The following WWOX variants were observed in gnomAD, a reference collection of about 807,000 sequenced individuals.
The protein encoded by WWOX is WW domain-containing oxidoreductase.
In WWOX, 69 loss-of-function variants were observed where a neutral mutation model predicts 46.2. That is an observed-to-expected ratio of 1.49 (90% CI 1.23 to 1.82). The LOEUF (loss-of-function observed/expected upper bound fraction) is 1.82. Ranked by LOEUF, WWOX falls within the 40% of genes most tolerant of loss-of-function variation. The probability of loss-of-function intolerance (pLI) is 0.00; values close to 1 mark genes in which losing one functional copy is unlikely to be tolerated. For missense variants in WWOX, 919 were observed against 542.6 expected, an observed-to-expected ratio of 1.69 and a Z score of -6.89; for synonymous variants, 359 against 202.6, an observed-to-expected ratio of 1.77 and a Z score of -6.56.
chr16:78,198,811 CACAT>C (rs1174169317), intron 5 of WWOX, among the ~76,000 whole-genome samples: 1 of 152,122 alleles, frequency 6.6e-6, no homozygotes, highest in Non-Finnish European at 1.5e-5. Flanking sequence ...TGCATTCACA[CACAT>C]GCATACATAT....
At chr16:79,093,690 T>C (rs61086787) in intron 8 of WWOX, among the ~76,000 whole-genome samples, 1 of 152,090 alleles carries the variant, frequency 6.6e-6, no homozygotes, top group East Asian at 1.9e-4. Flanking sequence ...CAGGCAGTGC[T>C]TCAGCCTTTT....
intron 4 of WWOX, among the ~76,000 whole-genome samples, chr16:78,129,709 CT>C (rs930761409): frequency 8.4e-4 from 120 of 142,936 alleles, no homozygotes; most frequent in East Asian, 2.8e-3. Flanking sequence ...GATTTTTTTT[CT>C]TTTTTTTTTT....
intron 1 of WWOX, among the ~76,000 whole-genome samples, chr16:78,101,383 G>C (rs1410458856): frequency 4.8e-5 from 4 of 82,608 alleles, no homozygotes; most frequent in Non-Finnish European, 1.0e-4. Flanking sequence ...GTCTCGCTCC[G>C]TCGCCCAAAC....
intron 8 of WWOX, among the ~76,000 whole-genome samples, chr16:79,122,345 C>T (rs985112948): frequency 6.6e-6 from 1 of 152,186 alleles, no homozygotes; most frequent in Non-Finnish European, 1.5e-5. Flanking sequence ...CTTACCCTGG[C>T]TATTGGAACA....
chr16:78,581,925 C>T (rs904437156), intron 8 of WWOX, among the ~76,000 whole-genome samples: 1 of 152,068 alleles, frequency 6.6e-6, no homozygotes, highest in Non-Finnish European at 1.5e-5. Context: ...AAGTATCTGA[C>T]CCCCAAATCT....
At chr16:79,143,304 C>A (rs1597414425) in intron 8 of WWOX, among the ~76,000 whole-genome samples, 1 of 152,276 alleles carries the variant, frequency 6.6e-6, no homozygotes, top group South Asian at 2.1e-4. Flanking sequence ...ATTACAAAAA[C>A]TGTTACCGCC....
intron 8 of WWOX, among the ~76,000 whole-genome samples, chr16:78,529,722 C>T (rs12446983): frequency 0.014 from 2,140 of 152,196 alleles, 21 homozygotes; most frequent in African/African-American, 0.027. Flanking sequence ...CCACCTCGGC[C>T]TCCCAAAGTG....
intron 8 of WWOX, among the ~76,000 whole-genome samples, chr16:79,108,154 G>A (rs1406648415): frequency 1.3e-5 from 2 of 152,192 alleles, no homozygotes; most frequent in Non-Finnish European, 2.9e-5. Context: ...TAGGCACTCT[G>A]TTGGTGGCAA....
At chr16:78,362,721 C>A (rs2081437970) in intron 5 of WWOX, among the ~76,000 whole-genome samples, 1 of 152,124 alleles carries the variant, frequency 6.6e-6, no homozygotes, top group South Asian at 2.1e-4. Context: ...AGGAAACAGC[C>A]TCAACCTAAA....
At chr16:78,211,721 G>A (rs2036566557) in intron 5 of WWOX, among the ~76,000 whole-genome samples, 1 of 152,194 alleles carries the variant, frequency 6.6e-6, no homozygotes, top group African/African-American at 2.4e-5. Context: ...AATGAATAAC[G>A]GAGTGGCTTT....
At chr16:79,041,092 T>C (rs79658619) in intron 8 of WWOX, among the ~76,000 whole-genome samples, 8 of 151,932 alleles carry the variant, frequency 5.3e-5, no homozygotes, top group African/African-American at 9.7e-5. Context: ...CTAATACATG[T>C]AATTCATTAC....
intron 8 of WWOX, among the ~76,000 whole-genome samples, chr16:78,700,466 T>C (rs1249316757): frequency 6.6e-6 from 1 of 152,162 alleles, no homozygotes; most frequent in African/African-American, 2.4e-5. Context: ...TGTTCTAGTT[T>C]AACATATGCA....
chr16:78,480,959 A>G (rs1168679363), intron 8 of WWOX, among the ~76,000 whole-genome samples: 4 of 152,238 alleles, frequency 2.6e-5, no homozygotes, highest in Non-Finnish European at 5.9e-5. Flanking sequence ...AGCAAATAGT[A>G]AGAAAAGAGC....
chr16:78,826,211 C>G (rs2051652553), intron 8 of WWOX, among the ~76,000 whole-genome samples: 1 of 152,158 alleles, frequency 6.6e-6, no homozygotes, highest in Admixed American at 6.5e-5. Flanking sequence ...AAAGATTAGC[C>G]TGGCGTGCCC....
At chr16:79,060,023 A>G (rs2048330855) in intron 8 of WWOX, among the ~76,000 whole-genome samples, 1 of 152,184 alleles carries the variant, frequency 6.6e-6, no homozygotes, top group African/African-American at 2.4e-5. Context: ...TACATTTTGT[A>G]CAAAGCTGAT....
intron 8 of WWOX, among the ~76,000 whole-genome samples, chr16:78,824,843 A>C (rs531414620): frequency 4.6e-5 from 7 of 152,214 alleles, no homozygotes; most frequent in Non-Finnish European, 1.0e-4. Context: ...CACCCAAAGC[A>C]TATCAGGGTC....
intron 7 of WWOX, among the ~76,000 whole-genome samples, chr16:78,428,458 G>C (rs962541439): frequency 6.6e-6 from 1 of 152,182 alleles, no homozygotes; most frequent in African/African-American, 2.4e-5. Context: ...AAGGAAATCA[G>C]GGGTCACCCT....
chr16:79,180,855 AC>A (rs2050897370), intron 8 of WWOX, among the ~76,000 whole-genome samples: 1 of 152,206 alleles, frequency 6.6e-6, no homozygotes, highest in South Asian at 2.1e-4. Context: ...AGAAACCTTG[AC>A]AAAATTGCTA....
At chr16:79,047,122 A>T (rs1410613704) in intron 8 of WWOX, among the ~76,000 whole-genome samples, 1 of 152,176 alleles carries the variant, frequency 6.6e-6, no homozygotes, top group African/African-American at 2.4e-5. Flanking sequence ...TCACATATGT[A>T]TTCATTCATT....
Sources: gnomAD v4.1 joint callset for allele counts (sites outside exome capture counted in the v4.1 genomes callset) on GRCh38, gnomAD v4.1.1 for gene constraint, MANE v1.5 for transcripts, NCBI Gene and HGNC (gene_info 2026-07-23, HGNC 2026-07-21) for gene names.